CREBRF: variants seen among roughly 807,000 people sequenced by gnomAD.
CREBRF encodes UPF0474 protein C5orf41.
In CREBRF, 5 loss-of-function variants were observed where a neutral mutation model predicts 66.1. The observed-to-expected ratio is 0.08, with a 90% CI of 0.04 to 0.16. The LOEUF (loss-of-function observed/expected upper bound fraction) is 0.16. Ranked by LOEUF, CREBRF falls within the 10% of genes least tolerant of loss-of-function variation. CREBRF has a pLI of 1.00. For missense variants in CREBRF, 531 were observed against 744.9 expected (o/e 0.71, Z 3.34); for synonymous variants, 229 against 264.4 (o/e 0.87, Z 1.30).
At chr5:173,088,355 G>T (rs1258139233) in intron 3 of CREBRF, among the ~76,000 whole-genome samples, 1 of 137,246 alleles carries the variant, frequency 7.3e-6, no homozygotes, top group Non-Finnish European at 1.5e-5. Context: ...TGGGTGTGGT[G>T]GTGGGTGCCT....
chr5:173,120,277 G>T (rs374266012), intron 7 of CREBRF, among the ~76,000 whole-genome samples: 8 of 151,710 alleles, frequency 5.3e-5, no homozygotes, highest in East Asian at 3.9e-4. Flanking sequence ...AAACCTTCTG[G>T]GTTCTTTTTT....
intron 7 of CREBRF, among the ~76,000 whole-genome samples, chr5:173,118,007 G>GGGACTAC (rs1262331017): frequency 6.6e-6 from 1 of 151,966 alleles, no homozygotes; most frequent in African/African-American, 2.4e-5. Flanking sequence ...CCAAGTAGCT[G>GGGACTAC]GGACTACAGG....
intron 7 of CREBRF, among the ~76,000 whole-genome samples, chr5:173,113,842 A>G: frequency 6.6e-6 from 1 of 152,142 alleles, no homozygotes; most frequent in East Asian, 1.9e-4. Context: ...GGGTATGGGA[A>G]GCTCTGGTTT....
intron 7 of CREBRF, among the ~76,000 whole-genome samples, chr5:173,117,330 G>C (rs556291443): frequency 1.2e-3 from 187 of 150,230 alleles, no homozygotes; most frequent in African/African-American, 4.4e-3. Context: ...AGTGAGCTGA[G>C]ATTGTGCCAT....
chr5:173,115,358 C>T (rs958792706), intron 7 of CREBRF, among the ~76,000 whole-genome samples: 4 of 152,092 alleles, frequency 2.6e-5, no homozygotes, highest in Non-Finnish European at 5.9e-5. Flanking sequence ...CTGCCTGCCT[C>T]GGCCTCCCAA....
chr5:173,096,212 G>T (rs1030595649), intron 4 of CREBRF, among the ~76,000 whole-genome samples: 1 of 151,990 alleles, frequency 6.6e-6, no homozygotes, highest in African/African-American at 2.4e-5. Flanking sequence ...CTTGTGATCC[G>T]CCCGCCTTGG....
At chr5:173,083,652 G>A (rs531356716) in intron 2 of CREBRF, among the ~76,000 whole-genome samples, 1 of 152,308 alleles carries the variant, frequency 6.6e-6, no homozygotes, top group Non-Finnish European at 1.5e-5. Flanking sequence ...GCAGCACAGA[G>A]TGAGAGTGAT....
In CREBRF at chr5:173,090,862, A is replaced by G. The variant is rs1044559418; in HGVS notation, c.683A>G (p.His228Arg). ...NMYHNEKVNFHVECKDYVKKA... is the reference protein window; with the variant it reads ...NMYHNEKVNFRVECKDYVKKA... ...TATCATAATGAAAAGGTGAACTTTC[A>G]TGTTGAATGTAAAGACTATGTAAAA... Residue 228 changes from histidine (H) to arginine (R), a missense_variant, in exon 4 of 9, where the codon CAT becomes CGT. Physicochemically the swap from His to Arg is conservative, Grantham distance 29. Transcript: ENST00000296953. The surrounding 1 kb of genome is among the most constrained non-coding windows in gnomAD (Gnocchi z 4.5). 3.7e-6 allele frequency: 6 copies of G among 1,614,202 alleles called. No individual in the cohort carries two copies. The highest frequency in any genetic ancestry group is 5.1e-6 in the Non-Finnish European group (6 of 1,180,046).
chr5:173,128,756 T>C (rs1045041279), intron 8 of CREBRF, among the ~76,000 whole-genome samples: 1 of 152,092 alleles, frequency 6.6e-6, no homozygotes, highest in Admixed American at 6.5e-5. Flanking sequence ...TTTTCAATCC[T>C]TCTGAATCAT....
At position 173,074,556 on chromosome 5, in the gene CREBRF, A is replaced by AT. The variant is rs1490392420; in HGVS notation, c.-191-6023dup. Among the ~76,000 whole-genome samples the AT allele has an allele frequency of 9.9e-5, 15 of 151,844 alleles. No individual in the cohort carries two copies. In the South Asian group the frequency reaches 3.1e-3, roughly 32 times the overall value. On this transcript the variant is annotated intron_variant, in intron 1 of 8. Coordinates refer to ENST00000296953, the MANE Select transcript of CREBRF (RefSeq NM_153607.3). ...AGGTGGTTTTATTTTGTTTAATTAC[A>AT]TTTTTTGTGGCAGACCTAATTCACC... is the stretch of plus-strand genomic sequence containing the variant.
chr5:173,097,924 A>G (rs189421507), intron 4 of CREBRF, among the ~76,000 whole-genome samples: 3 of 150,956 alleles, frequency 2.0e-5, no homozygotes, highest in Admixed American at 6.6e-5. Flanking sequence ...ACTTTGGGTT[A>G]GTTCTTCTTT....
chr5:173,134,407 A>G lies in CREBRF; in HGVS notation c.*662A>G. 3.0e-6 allele frequency: 1 copy of G among 333,710 alleles called. No individual in the cohort carries two copies. Among genetic ancestry groups the G allele is most frequent in the Non-Finnish European group, 6.0e-6 (1 of 167,348 alleles). 20.7% of individuals were successfully genotyped at this position (333,710 alleles called of 1,614,324 possible). A position where few individuals can be genotyped will look rare whatever the true frequency, so the allele number is the denominator to read the frequency against. ...TTTGTATGATGAAAACCCTAATGAGAAAAAACAAGATATATAGATGGAAAA... is the reference window on the plus strand; with the variant it reads ...TTTGTATGATGAAAACCCTAATGAGGAAAAACAAGATATATAGATGGAAAA... On this transcript the variant is annotated 3_prime_UTR_variant, in exon 9 of 9. Transcript: ENST00000296953.
chr5:173,121,196 G>T (rs1354428065), intron 7 of CREBRF, among the ~76,000 whole-genome samples: 11 of 152,098 alleles, frequency 7.2e-5, no homozygotes, highest in East Asian at 5.8e-4. Flanking sequence ...CCTGGGTAGG[G>T]GGTTGTCAGT....
intron 1 of CREBRF, among the ~76,000 whole-genome samples, chr5:173,078,584 G>C (rs1394378937): frequency 1.3e-5 from 2 of 150,046 alleles, no homozygotes; most frequent in African/African-American, 2.4e-5. Context: ...TTTGAGACGG[G>C]GTCTTGCTCT....
At chr5:173,074,910 C>T (rs770571781) in intron 1 of CREBRF, among the ~76,000 whole-genome samples, 5 of 151,950 alleles carry the variant, frequency 3.3e-5, no homozygotes, top group African/African-American at 7.3e-5. Context: ...CATGAGCCAC[C>T]GTGCCTGGCC....
At chr5:173,073,724 T>C in intron 1 of CREBRF, among the ~76,000 whole-genome samples, 1 of 152,210 alleles carries the variant, frequency 6.6e-6, no homozygotes, top group Admixed American at 6.5e-5. Flanking sequence ...TCCCAGCACT[T>C]TGGGAGGCCG....
At chr5:173,063,535 T>G (rs962809169) in intron 1 of CREBRF, among the ~76,000 whole-genome samples, 1 of 151,958 alleles carries the variant, frequency 6.6e-6, no homozygotes, top group South Asian at 2.1e-4. Context: ...ACTCAGCTAA[T>G]TTTTTGTATT....
chr5:173,108,861 A>C (rs759680931), intron 5 of CREBRF, 43 bp downstream of exon 5: 201 of 1,554,162 alleles, frequency 1.3e-4, no homozygotes, highest in Non-Finnish European at 1.8e-4. Flanking sequence ...CACTTTAATC[A>C]AGTTGAGCTA....
intron 8 of CREBRF, among the ~76,000 whole-genome samples, chr5:173,130,509 C>A (rs1211143944): frequency 6.6e-6 from 1 of 150,852 alleles, no homozygotes; most frequent in Non-Finnish European, 1.5e-5. Flanking sequence ...GTTGTTTTCA[C>A]TGTTCTTTAA....
Sources: gnomAD v4.1 joint callset for allele counts (sites outside exome capture counted in the v4.1 genomes callset) on GRCh38, gnomAD v4.1.1 for gene constraint, Gnocchi (gnomAD v3.1) non-coding constraint, MANE v1.5 for transcripts, NCBI Gene and HGNC (gene_info 2026-07-23, HGNC 2026-07-21) for gene names.